The following NCALD variants were observed in gnomAD, a reference collection of about 807,000 sequenced individuals.
The protein encoded by NCALD is neurocalcin-delta.
Under a neutral mutation model 18.6 loss-of-function variants are expected in NCALD, and 10 were observed. The observed-to-expected ratio is 0.54, with a 90% CI of 0.33 to 0.91. NCALD has a LOEUF of 0.91. NCALD is among the 40% of genes least tolerant of loss of function. The pLI is 0.03. For missense variants in NCALD, 184 were observed against 247.6 expected, an observed-to-expected ratio of 0.74 and a Z score of 1.72; for synonymous variants, 88 against 87.4, an observed-to-expected ratio of 1.01 and a Z score of -0.04.
chr8:102,032,944 G>A (rs577422890), intron 1 of NCALD, among the ~76,000 whole-genome samples: 14 of 152,272 alleles, frequency 9.2e-5, no homozygotes, highest in African/African-American at 3.1e-4. Flanking sequence ...AACAGCAGGG[G>A]CCAGCAATGA....
rs557001345 is a variant in NCALD, at chr8:102,081,572, AAAAAC to A, written c.-210+42660_-210+42664del. 8.5e-3 allele frequency among the ~76,000 whole-genome samples: 989 copies of A among 116,684 alleles called. 15 individuals are homozygous for A. Among genetic ancestry groups the A allele is most frequent in the African/African-American group, 0.021 (626 of 29,346 alleles). 76.5% of individuals were successfully genotyped at this position (116,684 alleles called of 152,430 possible). ...AAAAAAAAAAAAAAAAAAAAAAAAAAAAAACCCCAAAAAAAACTGGCTTTGCGCAT... is the reference window on the plus strand; with the variant it reads ...AAAAAAAAAAAAAAAAAAAAAAAAAACCCAAAAAAAACTGGCTTTGCGCAT... On this transcript the variant is annotated intron_variant, in intron 1 of 6. Coordinates refer to the NCALD transcript ENST00000311028.
chr8:101,947,860 G>A (rs1819237212), intron 2 of NCALD, among the ~76,000 whole-genome samples: 1 of 152,206 alleles, frequency 6.6e-6, no homozygotes, highest in African/African-American at 2.4e-5. Flanking sequence ...GACTGTTCTA[G>A]GCAAAAGCAA....
intron 2 of NCALD, among the ~76,000 whole-genome samples, chr8:102,016,567 C>A (rs1434576676): frequency 6.6e-6 from 1 of 152,160 alleles, no homozygotes; most frequent in East Asian, 1.9e-4. Context: ...TCACTGCAGT[C>A]CACCACTGGA....
chr8:102,019,157 G>A (rs922918549), intron 2 of NCALD, among the ~76,000 whole-genome samples: 3 of 151,934 alleles, frequency 2.0e-5, no homozygotes, highest in Non-Finnish European at 2.9e-5. Context: ...ATTAATATAT[G>A]AAATGGTGCC....
chr8:101,792,999 C>G (rs1347017312), upstream of NCALD, among the ~76,000 whole-genome samples: 1 of 151,892 alleles, frequency 6.6e-6, no homozygotes, highest in African/African-American at 2.4e-5. Context: ...ATTTTTAAGA[C>G]TAAGTATACT....
intron 3 of NCALD, among the ~76,000 whole-genome samples, chr8:101,895,984 T>A (rs1817149879): frequency 1.3e-5 from 2 of 151,158 alleles, no homozygotes; most frequent in South Asian, 4.2e-4. Flanking sequence ...AAGCTACCAA[T>A]GACTTTCTTC....
intron 1 of NCALD, among the ~76,000 whole-genome samples, chr8:101,740,132 T>A (rs955494345): frequency 1.3e-5 from 2 of 152,240 alleles, no homozygotes; most frequent in African/African-American, 4.8e-5. Context: ...AATCTCACCA[T>A]ACAGATTATA....
intron 3 of NCALD, among the ~76,000 whole-genome samples, chr8:101,914,948 C>G (rs16868745): frequency 0.013 from 1,910 of 152,254 alleles, 44 homozygotes; most frequent in African/African-American, 0.044. Flanking sequence ...ACCAGTTTCT[C>G]AATCTCTAAA....
intron 4 of NCALD, among the ~76,000 whole-genome samples, chr8:101,881,544 G>A (rs937264579): frequency 1.3e-5 from 2 of 152,106 alleles, no homozygotes; most frequent in Non-Finnish European, 2.9e-5. Context: ...TTCATTAAAT[G>A]TGCCTCATTT....
In NCALD at chr8:101,863,810, T is replaced by C. The variant is rs1586653256; in HGVS notation, c.-20+23331A>G. ...CAGTGACATTTGACAAAGATCTGGATGAAATGCAGGAGTGAGTTGTGTGAC... is the reference window on the plus strand; with the variant it reads ...CAGTGACATTTGACAAAGATCTGGACGAAATGCAGGAGTGAGTTGTGTGAC... On this transcript the variant is annotated intron_variant, in intron 4 of 6. Transcript: ENST00000311028. Among the ~76,000 whole-genome samples the C allele has an allele frequency of 2.6e-5, 4 of 152,068 alleles. No individual in the cohort carries two copies. The South Asian group carries it at 8.3e-4, about 32-fold the overall frequency.
At chr8:101,995,319 G>A (rs917876000) in intron 2 of NCALD, among the ~76,000 whole-genome samples, 98 of 152,154 alleles carry the variant, frequency 6.4e-4, no homozygotes, top group African/African-American at 2.2e-3. Context: ...AACTAAACCC[G>A]GACTCTATAC....
At chr8:101,923,309 C>A (rs1046936489) in intron 2 of NCALD, among the ~76,000 whole-genome samples, 2 of 152,202 alleles carry the variant, frequency 1.3e-5, no homozygotes, top group Non-Finnish European at 1.5e-5. Context: ...AAGACTAAGA[C>A]AACTACAAAT....
intron 3 of NCALD, among the ~76,000 whole-genome samples, chr8:101,909,232 T>G (rs1292739393): frequency 1.3e-5 from 2 of 152,188 alleles, no homozygotes; most frequent in Non-Finnish European, 2.9e-5. Flanking sequence ...AAAAGCCAAT[T>G]CAATTTTTCG....
chr8:101,912,310 G>T (rs1586743664), intron 3 of NCALD, among the ~76,000 whole-genome samples: 1 of 149,768 alleles, frequency 6.7e-6, no homozygotes, highest in Admixed American at 6.6e-5. Flanking sequence ...AGTTGAAAAT[G>T]AGATCATGTT....
At position 101,840,450 on chromosome 8, in the gene NCALD, T is replaced by G. The variant is rs74792095; in HGVS notation, c.-20+46691A>C. 6.5e-3 allele frequency among the ~76,000 whole-genome samples: 984 copies of G among 152,304 alleles called. 13 individuals are homozygous for G. The highest frequency in any genetic ancestry group is 0.022 in the African/African-American group (933 of 41,564). On this transcript the variant is annotated intron_variant, in intron 4 of 6. Transcript: ENST00000311028. ...AATGCTTTGCAGTTTAAGCTACCTA[T>G]GTGTTTTTTACTATATCAAAAGCTG...
chr8:101,868,224 T>G (rs1815855258), intron 4 of NCALD, among the ~76,000 whole-genome samples: 1 of 151,994 alleles, frequency 6.6e-6, no homozygotes, highest in African/African-American at 2.4e-5. Flanking sequence ...GGGCCCCACT[T>G]TTGCCTTTTT....
In NCALD at chr8:102,013,205, C is replaced by T. The variant is rs113511823; in HGVS notation, c.-157+7032G>A. On this transcript the variant is annotated intron_variant, in intron 2 of 6. Transcript: ENST00000311028. ...AATTGCTGGCCTGAGAGTGTATAAG[C>T]ACATGGTGGTCTAGGTACCTCCCCT... 4.1e-3 allele frequency among the ~76,000 whole-genome samples: 617 copies of T among 152,292 alleles called. 4 individuals are homozygous for T. Among genetic ancestry groups the T allele is most frequent in the African/African-American group, 0.014 (576 of 41,572 alleles).
intron 1 of NCALD, among the ~76,000 whole-genome samples, chr8:101,733,082 C>T (rs924736910): frequency 1.3e-5 from 2 of 152,116 alleles, no homozygotes; most frequent in Non-Finnish European, 2.9e-5. Flanking sequence ...CACCCTCACC[C>T]CTTCCATGTC....
chr8:101,825,770 C>T (rs1813910897), intron 4 of NCALD, among the ~76,000 whole-genome samples: 1 of 151,918 alleles, frequency 6.6e-6, no homozygotes, highest in Non-Finnish European at 1.5e-5. Flanking sequence ...ACATTTTAGG[C>T]TTTGCAGGTC....
Sources: gnomAD v4.1 joint callset for allele counts (sites outside exome capture counted in the v4.1 genomes callset) on GRCh38, gnomAD v4.1.1 for gene constraint, MANE v1.5 for transcripts, NCBI Gene and HGNC (gene_info 2026-07-23, HGNC 2026-07-21) for gene names.